Variants in EBF1 observed in about 807,000 individuals in gnomAD.
EBF1 encodes EBF transcription factor 1.
A neutral mutation model predicts 68.4 loss-of-function variants in EBF1; 10 were observed. That is an observed-to-expected ratio of 0.15 (90% CI 0.09 to 0.25). The LOEUF is 0.25. Among genes scored for constraint, EBF1 ranks in the 10% least tolerant of loss-of-function variants. The pLI is 1.00. For missense variants in EBF1, 509 were observed against 794.4 expected (o/e 0.64, Z 4.32); for synonymous variants, 298 against 299.8 (o/e 0.99, Z 0.06).
chr5:158,912,197 C>A (rs1806135676), intron 6 of EBF1, among the ~76,000 whole-genome samples: 1 of 152,202 alleles, frequency 6.6e-6, no homozygotes. Context: ...TCCTGGTGGA[C>A]ACAAAGATTC....
At chr5:158,923,049 C>T (rs1051273007) in intron 6 of EBF1, among the ~76,000 whole-genome samples, 2 of 152,192 alleles carry the variant, frequency 1.3e-5, no homozygotes, top group African/African-American at 4.8e-5. Flanking sequence ...GCGATTTGAA[C>T]GCAGAAAGCC....
At chr5:159,077,202 A>G (rs1324102539) in intron 5 of EBF1, among the ~76,000 whole-genome samples, 1 of 152,244 alleles carries the variant, frequency 6.6e-6, no homozygotes, top group Non-Finnish European at 1.5e-5. Flanking sequence ...TGGGAGGCCA[A>G]GGTGGGTAGA....
intron 10 of EBF1, among the ~76,000 whole-genome samples, chr5:158,754,659 A>C (rs1051276917): frequency 8.5e-5 from 13 of 152,258 alleles, no homozygotes; most frequent in Admixed American, 5.2e-4. Context: ...CCTTGATTCC[A>C]AATCTATGAT....
intron 6 of EBF1, among the ~76,000 whole-genome samples, chr5:159,065,792 G>C (rs1776697789): frequency 1.3e-5 from 2 of 152,084 alleles, no homozygotes; most frequent in South Asian, 2.1e-4. Context: ...TTTTTTCCCT[G>C]CCCTGGCTCT....
chr5:158,975,564 A>G (rs1236139916), intron 6 of EBF1, among the ~76,000 whole-genome samples: 2 of 152,184 alleles, frequency 1.3e-5, no homozygotes, highest in Admixed American at 1.3e-4. Context: ...GTGAGAGTGA[A>G]AGGAAGAAAA....
intron 6 of EBF1, among the ~76,000 whole-genome samples, chr5:159,030,947 C>A (rs952139723): frequency 1.3e-5 from 2 of 152,104 alleles, no homozygotes; most frequent in African/African-American, 4.8e-5. Context: ...TCGAGGCAGG[C>A]GGATTACCTG....
intron 6 of EBF1, among the ~76,000 whole-genome samples, chr5:158,943,120 T>C (rs1174851259): frequency 1.3e-5 from 2 of 151,924 alleles, no homozygotes; most frequent in Admixed American, 1.3e-4. Flanking sequence ...AGACTGATCA[T>C]GAGTCACAAA....
intron 11 of EBF1, among the ~76,000 whole-genome samples, chr5:158,717,289 T>C (rs1177244642): frequency 6.6e-6 from 1 of 152,192 alleles, no homozygotes; most frequent in Non-Finnish European, 1.5e-5. Flanking sequence ...TAATTTCACA[T>C]TAGGAAATGA....
At chr5:159,054,905 A>C (rs1442957426) in intron 6 of EBF1, among the ~76,000 whole-genome samples, 1 of 152,114 alleles carries the variant, frequency 6.6e-6, no homozygotes, top group African/African-American at 2.4e-5. Flanking sequence ...CAAGCCTACA[A>C]TTTTCTTTTT....
At chr5:158,859,754 C>T (rs988390720) in intron 6 of EBF1, among the ~76,000 whole-genome samples, 3 of 152,204 alleles carry the variant, frequency 2.0e-5, no homozygotes, top group Non-Finnish European at 4.4e-5. Flanking sequence ...GGTAATCGAG[C>T]CCACTCCTCA....
At chr5:158,794,165 G>A (rs1779197471) in intron 9 of EBF1, among the ~76,000 whole-genome samples, 1 of 152,158 alleles carries the variant, frequency 6.6e-6, no homozygotes, top group Admixed American at 6.5e-5. Flanking sequence ...CAATGAAGGA[G>A]CATGCATCCT....
intron 8 of EBF1, among the ~76,000 whole-genome samples, chr5:158,798,729 A>G (rs1410712252): frequency 6.6e-6 from 1 of 152,226 alleles, no homozygotes; most frequent in African/African-American, 2.4e-5. Context: ...GCAAAGCTAT[A>G]TGTCAATGCC....
At chr5:158,754,412 A>T (rs1769595245) in intron 10 of EBF1, among the ~76,000 whole-genome samples, 1 of 152,116 alleles carries the variant, frequency 6.6e-6, no homozygotes, top group Non-Finnish European at 1.5e-5. Context: ...CTCAGTCCCC[A>T]GTGCTCAACT....
chr5:159,084,455 C>T (rs1780280819), intron 5 of EBF1, among the ~76,000 whole-genome samples: 1 of 151,760 alleles, frequency 6.6e-6, no homozygotes, highest in South Asian at 2.1e-4. Context: ...GTATGTCTTT[C>T]GGGATGAAAT....
intron 8 of EBF1, 61 bp from the exon 9 acceptor site, chr5:158,796,536 T>C: frequency 6.7e-7 from 1 of 1,501,154 alleles, no homozygotes; most frequent in Non-Finnish European, 8.9e-7. Context: ...ACTTTAATGA[T>C]GAAGACTTGA....
In EBF1 at chr5:158,696,327, T is replaced by TTCA. The variant is rs1755750072; in HGVS notation, c.*2781_*2783dup. On this transcript the variant is annotated 3_prime_UTR_variant, in exon 16 of 16. Transcript: ENST00000313708. ...GAGGATCAGAGGGCCAGAATGTCTTTTCATCTAATCAATAGAAATAGAAGC... is the reference window on the plus strand; with the variant it reads ...GAGGATCAGAGGGCCAGAATGTCTTTTCATCATCTAATCAATAGAAATAGAAGC... The TTCA allele has an allele frequency of 9.0e-6, 2 of 221,438 alleles. No individual in the cohort carries two copies. The highest frequency in any genetic ancestry group is 1.8e-5 in the Non-Finnish European group (2 of 110,724). The allele number at this position is 221,438 out of a possible 1,614,324, so 13.7% of individuals were successfully genotyped here.
chr5:158,867,574 A>C (rs916869407), intron 6 of EBF1, among the ~76,000 whole-genome samples: 2 of 152,162 alleles, frequency 1.3e-5, no homozygotes, highest in Non-Finnish European at 2.9e-5. Flanking sequence ...GGGGCAAAGA[A>C]GGCCTGAGAT....
intron 10 of EBF1, among the ~76,000 whole-genome samples, chr5:158,744,826 A>G (rs1393838154): frequency 6.6e-6 from 1 of 152,210 alleles, no homozygotes; most frequent in Non-Finnish European, 1.5e-5. Flanking sequence ...ATAAACCTTG[A>G]GCTGACTTTT....
In EBF1 at chr5:158,978,835, C is replaced by CACACACACAGAGAG. The variant is rs753714441; in HGVS notation, c.554+94560_554+94561insCTCTCTGTGTGTGT. ...ACACACACACACACACACACACACA[C>CACACACACAGAGAG]AGAGAGAGAGTCCACAGTTCTCTTT... On this transcript the variant is annotated intron_variant, in intron 6 of 15. Transcript: ENST00000313708. 4.3e-3 allele frequency among the ~76,000 whole-genome samples: 634 copies of CACACACACAGAGAG among 147,002 alleles called. 10 individuals carry two copies. Among genetic ancestry groups the CACACACACAGAGAG allele is most frequent in the African/African-American group, 0.015 (584 of 38,490 alleles).
Sources: allele counts gnomAD v4.1 joint callset (sites outside exome capture counted in the v4.1 genomes callset), GRCh38; gene constraint gnomAD v4.1.1; transcripts MANE v1.5; gene names NCBI Gene and HGNC (gene_info 2026-07-23, HGNC 2026-07-21).